The following PSG8 variants were observed in gnomAD, a reference collection of about 807,000 sequenced individuals.
PSG8 encodes pregnancy-specific beta-1-glycoprotein 8.
Under a neutral mutation model 42.5 loss-of-function variants are expected in PSG8, and 57 were observed. The observed-to-expected ratio is 1.34, with a 90% CI of 1.08 to 1.67. PSG8 has a LOEUF of 1.67. PSG8 is among the 40% of genes most tolerant of loss of function. The pLI is 0.00. For synonymous variants in PSG8, 280 were observed against 196.8 expected (o/e 1.42, Z -3.54); for missense variants, 783 against 518.6 (o/e 1.51, Z -4.95).
chr19:42,759,369 C>G (rs1970016313), intron 2 of PSG8, among the ~76,000 whole-genome samples: 1 of 152,138 alleles, frequency 6.6e-6, no homozygotes, highest in African/African-American at 2.4e-5. Context: ...TTCAGTTATG[C>G]AGGATGAGGA....
At chr19:42,764,998 G>A (rs1292553249) in intron 1 of PSG8, among the ~76,000 whole-genome samples, 2 of 151,986 alleles carry the variant, frequency 1.3e-5, no homozygotes, top group Non-Finnish European at 2.9e-5. Flanking sequence ...AAAATGTGGT[G>A]GCCCCTGATG....
intron 1 of PSG8, among the ~76,000 whole-genome samples, chr19:42,765,158 T>TC (rs1388778848): frequency 8.9e-5 from 9 of 100,958 alleles, no homozygotes; most frequent in African/African-American, 4.3e-4. Flanking sequence ...CTTTTTTCTC[T>TC]TTTTTTTTTT....
At position 42,764,130 on chromosome 19, in the gene PSG8, G is replaced by A. The variant is rs752363136; in HGVS notation, c.216C>T (p.Ile72=). 6.2e-7 allele frequency: 1 copy of A among 1,613,856 alleles called. No individual in the cohort carries two copies. The highest frequency in any genetic ancestry group is 8.5e-7 in the Non-Finnish European group (1 of 1,179,884). Residue 72 remains isoleucine, a synonymous_variant, in exon 2 of 5, where the codon ATC becomes ATT. Transcript: ENST00000306511. ...ATGTAATGTAATGGTAGAGGTCCCT[G>A]ATTTGCCCTTTGTACCAGATGTAGC... ...LTGYIWYKGQ[I]RDLYHYITSY...
intron 2 of PSG8, among the ~76,000 whole-genome samples, chr19:42,761,320 A>T (rs10422702): frequency 6.6e-6 from 1 of 152,176 alleles, no homozygotes; most frequent in Non-Finnish European, 1.5e-5. Flanking sequence ...CTGCCTTTGT[A>T]AAACTAGTGA....
Position 42,758,059 on chromosome 19 carries a change from C to T in PSG8, c.652G>A (p.Glu218Lys). 1.2e-6 allele frequency: 2 copies of T among 1,614,034 alleles called. No homozygotes were observed. The highest frequency in any genetic ancestry group is 2.2e-5 in the East Asian group (1 of 44,880). The change falls in exon 3 of 5, where the codon GAA becomes AAA. Residue 218 changes from glutamate to lysine, a missense_variant. Glu to Lys is a moderately conservative substitution (Grantham distance 56). Transcript: ENST00000306511. ...CTGGCACTCACTGGGTTCCGTATTTCACATTCATAGGGTCCTGCAGTGTAC... is the reference window on the plus strand; with the variant it reads ...CTGGCACTCACTGGGTTCCGTATTTTACATTCATAGGGTCCTGCAGTGTAC... ...TKYTAGPYEC[E>K]IRNPVSASRS...
chr19:42,762,627 C>G (rs367622149), intron 2 of PSG8, among the ~76,000 whole-genome samples: 7 of 152,118 alleles, frequency 4.6e-5, no homozygotes, highest in East Asian at 3.9e-4. Flanking sequence ...AAAAGGTCCT[C>G]TCCTTGATCC....
At chr19:42,762,641 C>G (rs541912947) in intron 2 of PSG8, among the ~76,000 whole-genome samples, 2 of 152,030 alleles carry the variant, frequency 1.3e-5, no homozygotes, top group South Asian at 4.2e-4. Flanking sequence ...TTGATCCTCT[C>G]ATGACAGTGA....
intron 2 of PSG8, among the ~76,000 whole-genome samples, chr19:42,761,869 G>A (rs11666045): frequency 2.0e-5 from 2 of 99,896 alleles, no homozygotes; most frequent in Non-Finnish European, 3.6e-5. Context: ...GAGGCCAGAA[G>A]AACTTGCCTG....
At chr19:42,754,210 T>C, downstream of PSG8, 1 of 1,569,248 alleles carries the variant, frequency 6.4e-7, no homozygotes, top group East Asian at 2.2e-5. Context: ...AGGAGGAGAA[T>C]TTGGGATTTG....
At chr19:42,757,857 G>A in intron 3 of PSG8, 145 bp downstream of exon 3, 1 of 1,574,370 alleles carries the variant, frequency 6.4e-7, no homozygotes, top group Non-Finnish European at 8.7e-7. Flanking sequence ...ACTCTGGTTT[G>A]CCTGGGGCAG....
chr19:42,754,193 A>C, downstream of PSG8: 1 of 1,532,786 alleles, frequency 6.5e-7, no homozygotes, highest in East Asian at 2.3e-5. Flanking sequence ...ACAAATTTGG[A>C]GGGTTTAGGA....
At chr19:42,759,653 T>C (rs1568377892) in intron 2 of PSG8, among the ~76,000 whole-genome samples, 1 of 152,180 alleles carries the variant, frequency 6.6e-6, no homozygotes, top group Non-Finnish European at 1.5e-5. Context: ...GGATGCTCAA[T>C]TTGTAATACT....
At chr19:42,762,739 ACT>A (rs1970109307) in intron 2 of PSG8, among the ~76,000 whole-genome samples, 1 of 151,876 alleles carries the variant, frequency 6.6e-6, no homozygotes, top group Non-Finnish European at 1.5e-5. Flanking sequence ...TTTTCCACTG[ACT>A]CTGATGGTTG....
At chr19:42,758,344 T>C in intron 2 of PSG8, 64 bp from the exon 3 acceptor site, 1 of 1,570,592 alleles carries the variant, frequency 6.4e-7, no homozygotes, top group Non-Finnish European at 8.6e-7. Context: ...AAGGCATTTT[T>C]CAATCAGAGT....
At chr19:42,759,698 A>C (rs891181636) in intron 2 of PSG8, among the ~76,000 whole-genome samples, 15 of 152,076 alleles carry the variant, frequency 9.9e-5, no homozygotes, top group African/African-American at 3.1e-4. Flanking sequence ...AGGAGTTTAG[A>C]CCTCATGTTA....
At chr19:42,754,181 A>T (rs929372371), downstream of PSG8, 8 of 1,520,952 alleles carry the variant, frequency 5.3e-6, no homozygotes, top group African/African-American at 1.1e-4. Context: ...CAAAGTTCTT[A>T]GACAAATTTG....
rs577892665 is a variant in PSG8, at chr19:42,763,819, A to G, written c.430+97T>C. 4.1e-5 allele frequency: 65 copies of G among 1,593,968 alleles called. No individual in the cohort carries two copies. In the South Asian group the frequency reaches 6.3e-4, roughly 15 times the overall value. ...CCCCAGCATGGGACATAATGCAGAG[A>G]GGGACACAGGCAATGTCCAGGCCTG... On this transcript the variant is annotated intron_variant, in intron 2 of 4. Transcript: ENST00000306511.
intron 3 of PSG8, chr19:42,755,861 G>A (rs1166441254): frequency 3.8e-5 from 6 of 156,884 alleles, no homozygotes; most frequent in Non-Finnish European, 8.5e-5. Flanking sequence ...AGGTGGGGCA[G>A]TTTTTTGCAG....
intron 3 of PSG8, among the ~76,000 whole-genome samples, chr19:42,756,557 C>A (rs992382880): frequency 6.6e-6 from 1 of 152,060 alleles, no homozygotes; most frequent in South Asian, 2.1e-4. Flanking sequence ...CTCCAGTGAG[C>A]ATTTCTTTTC....
Sources: allele counts gnomAD v4.1 joint callset (sites outside exome capture counted in the v4.1 genomes callset), GRCh38; gene constraint gnomAD v4.1.1; transcripts MANE v1.5; gene names NCBI Gene and HGNC (gene_info 2026-07-23, HGNC 2026-07-21).